Variants in MSRB3 observed in about 807,000 individuals in gnomAD.
MSRB3 encodes the protein methionine-R-sulfoxide reductase B3.
In MSRB3, 13 loss-of-function variants were observed where a neutral mutation model predicts 21.0. The ratio of observed to expected loss-of-function variants is 0.62; its 90% CI spans 0.40 to 0.98. MSRB3 has a LOEUF of 0.98. MSRB3 is among the 50% of genes least tolerant of loss of function. MSRB3 has a pLI of 0.00. For missense variants in MSRB3, 199 were observed against 230.3 expected (o/e 0.86, Z 0.88); for synonymous variants, 87 against 88.6 (o/e 0.98, Z 0.10).
intron 5 of MSRB3, among the ~76,000 whole-genome samples, chr12:65,407,971 C>A (rs1410554779): frequency 6.6e-6 from 1 of 150,592 alleles, no homozygotes; most frequent in African/African-American, 2.4e-5. Context: ...TTTTTTTTTC[C>A]ATTAGAGCAT....
intron 5 of MSRB3, among the ~76,000 whole-genome samples, chr12:65,422,411 TATATATATATATATATA>T (rs1374991176): frequency 1.3e-4 from 5 of 39,268 alleles, no homozygotes; most frequent in Admixed American, 2.6e-4. Context: ...TATATATATA[TATATATATATATATATA>T]TATTTATTTA....
chr12:65,402,261 G>A (rs185258512), intron 5 of MSRB3, among the ~76,000 whole-genome samples: 144 of 152,208 alleles, frequency 9.5e-4, no homozygotes, highest in Admixed American at 7.7e-3. Context: ...TCAAACGTAG[G>A]TTGGGTCTTT....
intron 4 of MSRB3, among the ~76,000 whole-genome samples, chr12:65,330,977 A>G (rs1301477861): frequency 7.9e-5 from 12 of 152,198 alleles, no homozygotes; most frequent in Non-Finnish European, 1.5e-5. Flanking sequence ...CGGACACAGA[A>G]TACATCCGAT....
intron 5 of MSRB3, among the ~76,000 whole-genome samples, chr12:65,399,811 AG>A (rs1880020148): frequency 1.3e-5 from 2 of 152,170 alleles, no homozygotes; most frequent in African/African-American, 2.4e-5. Flanking sequence ...TTTAGCATGA[AG>A]GGGTGTTGAA....
intron 1 of MSRB3, chr12:65,283,732 TAGA>T (rs914149796): frequency 6.6e-6 from 1 of 152,164 alleles, no homozygotes; most frequent in Non-Finnish European, 1.5e-5. Flanking sequence ...TGCACTCAGC[TAGA>T]AGAATTCTGA....
intron 5 of MSRB3, among the ~76,000 whole-genome samples, chr12:65,436,411 TG>T (rs1371748699): frequency 7.9e-5 from 12 of 151,604 alleles, no homozygotes; most frequent in African/African-American, 2.7e-4. Context: ...ATAACGCATT[TG>T]TTTTTTTTCA....
At chr12:65,308,494 A>C in intron 1 of MSRB3, 35 bp from the exon 2 acceptor site, 1 of 1,609,726 alleles carries the variant, frequency 6.2e-7, no homozygotes, top group Non-Finnish European at 8.5e-7. Context: ...TGATGTTTTA[A>C]TTTGATTTTT....
chr12:65,409,860 C>A (rs1331473883), intron 5 of MSRB3, among the ~76,000 whole-genome samples: 3 of 152,102 alleles, frequency 2.0e-5, no homozygotes, highest in Non-Finnish European at 4.4e-5. Flanking sequence ...TGCTTAGAAT[C>A]AGAACAGGAG....
chr12:65,457,719 C>T (rs1262518657), intron 6 of MSRB3, among the ~76,000 whole-genome samples: 1 of 150,530 alleles, frequency 6.6e-6, no homozygotes, highest in African/African-American at 2.4e-5. Flanking sequence ...GGCTAATATC[C>T]AGAATCTACA....
intron 4 of MSRB3, among the ~76,000 whole-genome samples, chr12:65,341,936 G>T (rs7300653): frequency 0.093 from 14,136 of 151,798 alleles, 2,257 homozygotes; most frequent in African/African-American, 0.32. Context: ...TAGTATAAAT[G>T]AATACTATGT....
At position 65,442,859 on chromosome 12, in the gene MSRB3, C is replaced by T. The variant is rs563585424; in HGVS notation, c.293-10869C>T. On this transcript the variant is annotated intron_variant, in intron 5 of 6. Coordinates refer to ENST00000308259, the MANE Select transcript of MSRB3 (RefSeq NM_001031679.3). ...GATGCTAAAGGTCTACAACTGACTT[C>T]TGTGTAAGATGTATTTTTAAAAACA... Among the ~76,000 whole-genome samples the T allele has an allele frequency of 1.8e-3, 281 of 152,112 alleles. 2 individuals carry two copies. The highest frequency in any genetic ancestry group is 2.3e-3 in the Non-Finnish European group (156 of 67,954).
intron 1 of MSRB3, chr12:65,285,571 A>T (rs1284190270): frequency 6.6e-6 from 1 of 152,430 alleles, no homozygotes; most frequent in Non-Finnish European, 1.5e-5. Context: ...TTGGTGGCTC[A>T]TACCCGTAAT....
intron 4 of MSRB3, among the ~76,000 whole-genome samples, chr12:65,358,894 T>G (rs546398317): frequency 4.6e-5 from 7 of 152,004 alleles, no homozygotes; most frequent in Admixed American, 2.6e-4. Flanking sequence ...TATGATTTTA[T>G]CTCTTAGCAT....
At chr12:65,303,697 G>A (rs1296478189) in intron 1 of MSRB3, among the ~76,000 whole-genome samples, 1 of 152,152 alleles carries the variant, frequency 6.6e-6, no homozygotes, top group East Asian at 1.9e-4. Context: ...CACTGTCACT[G>A]TCGTTAAGGG....
chr12:65,460,536 G>A (rs1883279416), intron 6 of MSRB3, among the ~76,000 whole-genome samples: 3 of 152,132 alleles, frequency 2.0e-5, no homozygotes. Flanking sequence ...TCTATGTTTT[G>A]AGATGATGCT....
At chr12:65,424,623 T>G (rs1004532144) in intron 5 of MSRB3, among the ~76,000 whole-genome samples, 2 of 152,088 alleles carry the variant, frequency 1.3e-5, no homozygotes, top group Non-Finnish European at 1.5e-5. Flanking sequence ...TTTTCTGAAG[T>G]TCCTCCTATT....
intron 5 of MSRB3, among the ~76,000 whole-genome samples, chr12:65,436,541 C>A (rs1050731388): frequency 1.3e-5 from 2 of 151,654 alleles, no homozygotes; most frequent in African/African-American, 4.8e-5. Flanking sequence ...TCTGGAACAA[C>A]AATAAAAATT....
At chr12:65,437,781 G>A (rs971858021) in intron 5 of MSRB3, among the ~76,000 whole-genome samples, 1 of 151,952 alleles carries the variant, frequency 6.6e-6, no homozygotes. Flanking sequence ...TCCCTTGTCA[G>A]TGGTTGATTT....
At chr12:65,416,094 C>A (rs1880958351) in intron 5 of MSRB3, among the ~76,000 whole-genome samples, 1 of 152,158 alleles carries the variant, frequency 6.6e-6, no homozygotes, top group Non-Finnish European at 1.5e-5. Flanking sequence ...ATGAAGCAGC[C>A]CAGAGGCATC....
Sources: allele counts gnomAD v4.1 joint callset (sites outside exome capture counted in the v4.1 genomes callset), GRCh38; gene constraint gnomAD v4.1.1; transcripts MANE v1.5; gene names NCBI Gene and HGNC (gene_info 2026-07-23, HGNC 2026-07-21).